Variants in FITM2 observed in about 807,000 individuals in gnomAD.
FITM2 encodes fat storage inducing transmembrane protein 2.
A neutral mutation model predicts 23.3 loss-of-function variants in FITM2; 16 were observed. That is an observed-to-expected ratio of 0.69 (90% CI 0.47 to 1.05). The LOEUF is 1.05. Ranked by LOEUF, FITM2 falls within the 50% of genes least tolerant of loss-of-function variation. The probability of loss-of-function intolerance (pLI) is 0.00; values close to 1 mark genes in which losing one functional copy is unlikely to be tolerated. For missense variants in FITM2, 273 were observed against 327.5 expected, an observed-to-expected ratio of 0.83 and a Z score of 1.29; for synonymous variants, 132 against 142.0, an observed-to-expected ratio of 0.93 and a Z score of 0.50.
At chr20:44,310,078 AG>A (rs1238681920) in intron 1 of FITM2, among the ~76,000 whole-genome samples, 1 of 152,220 alleles carries the variant, frequency 6.6e-6, no homozygotes, top group Non-Finnish European at 1.5e-5. Flanking sequence ...AAGACCCGTC[AG>A]GCATTTGAGG....
intron 1 of FITM2, 106 bp downstream of exon 1, chr20:44,310,870 T>G (rs1487081819): frequency 5.1e-5 from 70 of 1,383,456 alleles, no homozygotes; most frequent in Non-Finnish European, 6.6e-5. Context: ...GAGGAGGACC[T>G]CCCCTCCAAT....
intron 1 of FITM2, among the ~76,000 whole-genome samples, chr20:44,309,266 G>C (rs1218362455): frequency 2.0e-5 from 3 of 152,050 alleles, no homozygotes; most frequent in Non-Finnish European, 4.4e-5. Context: ...TGCAACCTCC[G>C]CCTCCCAGGT....
chr20:44,306,302 C>A lies in FITM2; in HGVS notation c.*323G>T. On this transcript the variant is annotated 3_prime_UTR_variant, in exon 2 of 2. Coordinates refer to ENST00000396825, the MANE Select transcript of FITM2 (RefSeq NM_001080472.4). Reference sequence around the variant, plus strand: ...GGCTCTGGCCACTCCTTTAGCCACACCATAAAGGCTTTCCTGATTCTGCCC... The same window carrying A: ...GGCTCTGGCCACTCCTTTAGCCACAACATAAAGGCTTTCCTGATTCTGCCC... 3.0e-6 allele frequency: 1 copy of A among 329,146 alleles called. No individual in the cohort carries two copies. The highest frequency in any genetic ancestry group is 2.8e-5 in the South Asian group (1 of 35,258). The allele number at this position is 329,146 out of a possible 1,614,324, so 20.4% of individuals were successfully genotyped here.
At chr20:44,310,402 G>A (rs1282301023) in intron 1 of FITM2, among the ~76,000 whole-genome samples, 1 of 152,196 alleles carries the variant, frequency 6.6e-6, no homozygotes, top group Non-Finnish European at 1.5e-5. Flanking sequence ...GATGATCCAA[G>A]GAGATCCAGG....
rs2062682602 is a variant in FITM2, at chr20:44,303,651, G to A, written c.*2974C>T. ...GAGCCTTTTTTTTTTTTGAGACAGA[G>A]TCTCACTCTGTCGCTCAGGCTGGAG... On this transcript the variant is annotated 3_prime_UTR_variant, in exon 2 of 2. Coordinates refer to ENST00000396825, the MANE Select transcript of FITM2 (RefSeq NM_001080472.4). The A allele has an allele frequency of 6.6e-6, 1 of 151,320 alleles. No individual in the cohort carries two copies. The highest frequency in any genetic ancestry group is 2.4e-5 in the African/African-American group (1 of 41,048). 9.4% of individuals were successfully genotyped at this position (151,320 alleles called of 1,614,324 possible).
chr20:44,307,279 C>T (rs373273149), intron 1 of FITM2, 39 bp from the exon 2 acceptor site: 53 of 1,602,142 alleles, frequency 3.3e-5, no homozygotes, highest in South Asian at 6.7e-5. Flanking sequence ...AGAGGGAACA[C>T]GGTGGAGAGG....
chr20:44,311,131 G>A lies in FITM2; in HGVS notation c.18C>T (p.Arg6=). The change falls in exon 1 of 2, where the codon CGC becomes CGT. Residue 6 remains arginine, a synonymous_variant. Transcript: ENST00000396825. ...GCGTCCCCCGCAACAACCACTCGCA[G>A]CGCTCCAGATGCTCCATGCCGGATC... The part of the protein sequence containing the change: MEHLE[R]CEWLLRGTLV... The A allele has an allele frequency of 6.2e-7, 1 of 1,612,784 alleles. No individual in the cohort carries two copies. Among genetic ancestry groups the A allele is most frequent in the African/African-American group, 1.3e-5 (1 of 75,032 alleles).
intron 1 of FITM2, among the ~76,000 whole-genome samples, chr20:44,309,195 T>G (rs1358905651): frequency 6.6e-6 from 1 of 151,902 alleles, no homozygotes; most frequent in Non-Finnish European, 1.5e-5. Context: ...ATTTATTTAT[T>G]TTGAGACAAA....
chr20:44,310,953 G>A, intron 1 of FITM2, 23 bp downstream of exon 1: 2 of 1,530,318 alleles, frequency 1.3e-6, no homozygotes, highest in Non-Finnish European at 1.8e-6. Context: ...GGCGGGGACA[G>A]CGGAGGACCG....
chr20:44,302,887 C>T lies in FITM2; in HGVS notation c.*3738G>A, dbSNP rs762020784. The T allele has an allele frequency of 3.9e-5, 6 of 152,262 alleles. No homozygotes were observed. Among genetic ancestry groups the T allele is most frequent in the East Asian group, 3.9e-4 (2 of 5,184 alleles). The allele number at this position is 152,262 out of a possible 1,614,324, so 9.4% of individuals were successfully genotyped here. On this transcript the variant is annotated 3_prime_UTR_variant, in exon 2 of 2. Transcript: ENST00000396825. ...ACTTTAATTTGCTTGTTTACACACA[C>T]GATCTGTGTGTACATAACAGTGGCA...
At chr20:44,310,528 G>C (rs1466177254) in intron 1 of FITM2, among the ~76,000 whole-genome samples, 1 of 152,158 alleles carries the variant, frequency 6.6e-6, no homozygotes, top group Non-Finnish European at 1.5e-5. Flanking sequence ...ATTCTGTCAC[G>C]CGCTGGAGGG....
intron 1 of FITM2, among the ~76,000 whole-genome samples, 158 bp from the exon 2 acceptor site, chr20:44,307,398 C>T (rs1470717952): frequency 2.6e-5 from 4 of 152,134 alleles, no homozygotes; most frequent in African/African-American, 9.7e-5. Context: ...TTACCATATA[C>T]TTCACTTACT....
In FITM2 at chr20:44,307,094, C is replaced by G. The variant is rs2062692537; in HGVS notation, c.320G>C (p.Cys107Ser). The G allele has an allele frequency of 6.2e-7, 1 of 1,614,058 alleles. No individual in the cohort carries two copies. The highest frequency in any genetic ancestry group is 1.3e-5 in the African/African-American group (1 of 74,918). ...TTCGATGTTGGAGAAGATGGAGGTG[C>G]AGATGTACCAGATGGCCGTGCCCAC... ...LLVGTAIWYI[C>S]TSIFSNIEHY... Residue 107 changes from cysteine to serine, a missense_variant, in exon 2 of 2, where the codon TGC (cysteine) becomes TCC (serine). Physicochemically the swap from Cys to Ser is moderately radical, Grantham distance 112. Transcript: ENST00000396825.
Position 44,306,599 on chromosome 20 carries a change from C to G in FITM2, c.*26G>C, listed in dbSNP as rs1442206609. 1 of 1,602,990 alleles carries G rather than the reference C, an allele frequency of 6.2e-7. No individual in the cohort carries two copies. The highest frequency in any genetic ancestry group is 2.2e-5 in the East Asian group (1 of 44,670). ...ATTTGAAAAATAGATTAGCCATTGT[C>G]CTTCTGTCCCCCCTCTGTTACTCTT... is the stretch of plus-strand genomic sequence containing the variant. On this transcript the variant is annotated 3_prime_UTR_variant, in exon 2 of 2. Transcript: ENST00000396825.
intron 1 of FITM2, among the ~76,000 whole-genome samples, chr20:44,310,774 G>T (rs1358584278): frequency 1.3e-5 from 2 of 152,212 alleles, no homozygotes; most frequent in Non-Finnish European, 2.9e-5. Context: ...CCCAAAGTGG[G>T]TCTGCAAACA....
intron 1 of FITM2, among the ~76,000 whole-genome samples, chr20:44,309,875 C>T (rs1278858897): frequency 6.6e-6 from 1 of 152,164 alleles, no homozygotes; most frequent in African/African-American, 2.4e-5. Context: ...TGACCTAAAC[C>T]CAGGACAGAG....
At chr20:44,307,979 C>T (rs1363972549) in intron 1 of FITM2, among the ~76,000 whole-genome samples, 1 of 151,716 alleles carries the variant, frequency 6.6e-6, no homozygotes, top group Non-Finnish European at 1.5e-5. Flanking sequence ...CCCAACTACT[C>T]GGGAGGCTGA....
rs897348484 is a variant in FITM2 at position 44,311,153 on chromosome 20, G to T, written c.-5C>A. On this transcript the variant is annotated 5_prime_UTR_variant, in exon 1 of 2. Coordinates refer to ENST00000396825, the MANE Select transcript of FITM2 (RefSeq NM_001080472.4). ...GCAGCGCTCCAGATGCTCCATGCCG[G>T]ATCTCGTCAGCCACCGTCCTCCTCT... 3 of 1,609,630 alleles carry T rather than the reference G, an allele frequency of 1.9e-6. No individual in the cohort carries two copies. The highest frequency in any genetic ancestry group is 2.5e-6 in the Non-Finnish European group (3 of 1,177,590).
intron 1 of FITM2, among the ~76,000 whole-genome samples, chr20:44,307,736 C>T (rs368613981): frequency 6.6e-6 from 1 of 151,714 alleles, no homozygotes. Context: ...CTCCCCTCCT[C>T]CCCTACCCCA....
Sources: allele counts gnomAD v4.1 joint callset (sites outside exome capture counted in the v4.1 genomes callset), GRCh38; gene constraint gnomAD v4.1.1; transcripts MANE v1.5; gene names NCBI Gene and HGNC (gene_info 2026-07-23, HGNC 2026-07-21).